AHCYL2: variants seen among roughly 807,000 people sequenced by gnomAD.
AHCYL2 encodes the protein S-adenosylhomocysteine hydrolase-like protein 2.
In AHCYL2, 28 loss-of-function variants were observed where a neutral mutation model predicts 81.4. That is an observed-to-expected ratio of 0.34 (90% CI 0.25 to 0.47). AHCYL2 has a LOEUF of 0.47. Among genes scored for constraint, AHCYL2 ranks in the 20% least tolerant of loss-of-function variants. The probability of loss-of-function intolerance (pLI) is 1.00; values close to 1 mark genes in which losing one functional copy is unlikely to be tolerated. For synonymous variants in AHCYL2, 272 were observed against 290.2 expected, an observed-to-expected ratio of 0.94 and a Z score of 0.64; for missense variants, 551 against 785.1, an observed-to-expected ratio of 0.70 and a Z score of 3.56.
At chr7:129,258,723 T>C (rs192167488) in intron 1 of AHCYL2, among the ~76,000 whole-genome samples, 1 of 152,260 alleles carries the variant, frequency 6.6e-6, no homozygotes, top group African/African-American at 2.4e-5. Context: ...CAAAATCCTT[T>C]TGTAGGTCAT....
At chr7:129,258,329 C>G (rs1488125954) in intron 1 of AHCYL2, among the ~76,000 whole-genome samples, 1 of 149,332 alleles carries the variant, frequency 6.7e-6, no homozygotes, top group African/African-American at 2.5e-5. Flanking sequence ...TGCTTAAATA[C>G]AAAATACTAA....
chr7:129,230,627 C>T (rs1351491182), intron 1 of AHCYL2, among the ~76,000 whole-genome samples: 1 of 147,582 alleles, frequency 6.8e-6, no homozygotes. Context: ...GGCTGGAGTG[C>T]AGTGGTGCGG....
At chr7:129,249,542 C>T (rs1795177600) in intron 1 of AHCYL2, among the ~76,000 whole-genome samples, 1 of 152,110 alleles carries the variant, frequency 6.6e-6, no homozygotes, top group South Asian at 2.1e-4. Context: ...TCTCCTGCCT[C>T]AGCCTCCCGA....
At chr7:129,237,796 G>T (rs1794693314) in intron 1 of AHCYL2, among the ~76,000 whole-genome samples, 1 of 151,996 alleles carries the variant, frequency 6.6e-6, no homozygotes, top group Non-Finnish European at 1.5e-5. Context: ...GGCACCATTG[G>T]GTCACTGCAA....
chr7:129,312,846 T>C (rs1797709944), intron 1 of AHCYL2, among the ~76,000 whole-genome samples: 1 of 152,148 alleles, frequency 6.6e-6, no homozygotes, highest in African/African-American at 2.4e-5. Context: ...GTAACCACTA[T>C]TCAGACTTAC....
chr7:129,309,735 C>T (rs750636320), intron 1 of AHCYL2, among the ~76,000 whole-genome samples: 1 of 152,112 alleles, frequency 6.6e-6, no homozygotes, highest in African/African-American at 2.4e-5. Flanking sequence ...TATGGAATTG[C>T]TGCCTCTCTA....
intron 1 of AHCYL2, among the ~76,000 whole-genome samples, chr7:129,376,441 A>G (rs920060593): frequency 2.0e-5 from 3 of 152,230 alleles, no homozygotes; most frequent in African/African-American, 7.2e-5. Flanking sequence ...GCAAGGTTTT[A>G]GAACCCTATG....
At chr7:129,347,291 T>TA (rs1165412393) in intron 1 of AHCYL2, among the ~76,000 whole-genome samples, 2 of 152,184 alleles carry the variant, frequency 1.3e-5, no homozygotes, top group Non-Finnish European at 2.9e-5. Context: ...CTTTGGGTGA[T>TA]AAAGATGCGT....
intron 1 of AHCYL2, among the ~76,000 whole-genome samples, chr7:129,256,766 A>G (rs967179939): frequency 6.6e-6 from 1 of 152,024 alleles, no homozygotes; most frequent in South Asian, 2.1e-4. Flanking sequence ...ATAAATTCTC[A>G]TAAGTAGAAT....
At chr7:129,227,527 G>A (rs936288413) in intron 1 of AHCYL2, among the ~76,000 whole-genome samples, 3 of 148,258 alleles carry the variant, frequency 2.0e-5, no homozygotes, top group Admixed American at 6.8e-5. Flanking sequence ...TCAGGAGGCC[G>A]GGGTGGGAGG....
At chr7:129,385,671 G>T (rs1795169419) in intron 2 of AHCYL2, among the ~76,000 whole-genome samples, 1 of 152,168 alleles carries the variant, frequency 6.6e-6, no homozygotes, top group Non-Finnish European at 1.5e-5. Context: ...TGAGGAAAGA[G>T]GGAATCTGTT....
intron 6 of AHCYL2, among the ~76,000 whole-genome samples, chr7:129,401,142 A>G (rs1796010829): frequency 6.6e-6 from 1 of 152,058 alleles, no homozygotes; most frequent in Admixed American, 6.6e-5. Context: ...TGGGCAACAT[A>G]GGCTTTCTAC....
intron 1 of AHCYL2, among the ~76,000 whole-genome samples, chr7:129,335,594 T>C (rs1190273211): frequency 6.6e-6 from 1 of 152,192 alleles, no homozygotes; most frequent in Non-Finnish European, 1.5e-5. Context: ...ATGAGGCTGA[T>C]GTCAGATGGG....
chr7:129,306,608 G>A (rs1797453121), intron 1 of AHCYL2, among the ~76,000 whole-genome samples: 1 of 152,110 alleles, frequency 6.6e-6, no homozygotes, highest in African/African-American at 2.4e-5. Flanking sequence ...AACTTTGTTT[G>A]TTTGGTCAGA....
intron 1 of AHCYL2, among the ~76,000 whole-genome samples, chr7:129,281,523 G>T (rs1584739779): frequency 7.2e-6 from 1 of 138,394 alleles, no homozygotes; most frequent in South Asian, 2.3e-4. Flanking sequence ...TTGAGACAGG[G>T]TCTCCCTCTG....
At chr7:129,265,199 A>T (rs911903034) in intron 1 of AHCYL2, among the ~76,000 whole-genome samples, 3 of 152,194 alleles carry the variant, frequency 2.0e-5, no homozygotes, top group African/African-American at 7.2e-5. Flanking sequence ...TTCCATCATT[A>T]GGGATGCTTT....
intron 1 of AHCYL2, among the ~76,000 whole-genome samples, chr7:129,326,016 A>C (rs943569257): frequency 6.6e-6 from 1 of 151,988 alleles, no homozygotes; most frequent in Non-Finnish European, 1.5e-5. Flanking sequence ...AAGTTTTTTA[A>C]ATGTGATTTT....
At chr7:129,326,427 A>C (rs983172432) in intron 1 of AHCYL2, among the ~76,000 whole-genome samples, 1 of 152,020 alleles carries the variant, frequency 6.6e-6, no homozygotes, top group African/African-American at 2.4e-5. Context: ...CTTGGGAGGC[A>C]GAGGCAGAAG....
chr7:129,397,457 T>C, intron 5 of AHCYL2, 133 bp downstream of exon 5: 2 of 936,274 alleles, frequency 2.1e-6, no homozygotes, highest in Non-Finnish European at 3.2e-6. Context: ...CGATTCTTCA[T>C]GAATTTGCTC....
Sources: gnomAD v4.1 joint callset for allele counts (sites outside exome capture counted in the v4.1 genomes callset) on GRCh38, gnomAD v4.1.1 for gene constraint, MANE v1.5 for transcripts, NCBI Gene and HGNC (gene_info 2026-07-23, HGNC 2026-07-21) for gene names.